GABRB3: variants seen among roughly 807,000 people sequenced by gnomAD.
GABRB3 encodes gamma-aminobutyric acid receptor subunit beta-3.
GABRB3 carries 14 observed loss-of-function variants against 52.1 expected under a neutral mutation model. The ratio of observed to expected loss-of-function variants is 0.27; its 90% CI spans 0.18 to 0.42. The LOEUF (loss-of-function observed/expected upper bound fraction) is 0.42, where lower values mean the gene tolerates loss of function less well. GABRB3 is among the 10% of genes least tolerant of loss of function. The pLI is 1.00. For synonymous variants in GABRB3, 260 were observed against 232.3 expected (o/e 1.12, Z -1.08); for missense variants, 307 against 609.1 (o/e 0.50, Z 5.22).
intron 3 of GABRB3, among the ~76,000 whole-genome samples, chr15:26,661,202 A>C (rs903487624): frequency 5.3e-5 from 8 of 152,188 alleles, no homozygotes; most frequent in African/African-American, 1.9e-4. Flanking sequence ...GTTCCTAATC[A>C]CCAGCTGAAT....
intron 3 of GABRB3, among the ~76,000 whole-genome samples, chr15:26,746,441 G>A (rs1245541663): frequency 1.3e-5 from 2 of 152,096 alleles, no homozygotes; most frequent in Admixed American, 1.3e-4. Flanking sequence ...TTAATTTGAT[G>A]AGGTTCAGTC....
At chr15:26,701,048 C>T (rs28594197) in intron 3 of GABRB3, among the ~76,000 whole-genome samples, 1 of 133,068 alleles carries the variant, frequency 7.5e-6, no homozygotes, top group Non-Finnish European at 1.6e-5. Flanking sequence ...GAGCGAGACT[C>T]GTCTCAAAAA....
chr15:26,670,869 TATGAG>T (rs1205100738), intron 3 of GABRB3, among the ~76,000 whole-genome samples: 21 of 152,222 alleles, frequency 1.4e-4, no homozygotes, highest in Admixed American at 1.2e-3. Flanking sequence ...ACAGCTACTC[TATGAG>T]ATATTTACTT....
intron 3 of GABRB3, among the ~76,000 whole-genome samples, chr15:26,769,491 G>T (rs1443545895): frequency 1.3e-5 from 2 of 152,018 alleles, no homozygotes; most frequent in Non-Finnish European, 2.9e-5. Context: ...ATTATCATGT[G>T]AAGCCCTTGG....
chr15:26,681,503 CT>C, intron 3 of GABRB3, among the ~76,000 whole-genome samples: 1 of 152,280 alleles, frequency 6.6e-6, no homozygotes, highest in East Asian at 1.9e-4. Context: ...CCCTTTGTCC[CT>C]CCTCCAACGG....
chr15:26,769,042 T>C (rs1416539705), intron 3 of GABRB3, among the ~76,000 whole-genome samples: 2 of 151,538 alleles, frequency 1.3e-5, no homozygotes, highest in Non-Finnish European at 2.9e-5. Context: ...TTTGGAGGCA[T>C]CATCTACACA....
At position 26,683,584 on chromosome 15, in the gene GABRB3, C is replaced by T. The variant is rs751699579; in HGVS notation, c.241-62050G>A. Among the ~76,000 whole-genome samples, 14 of 152,304 alleles carry T rather than the reference C, an allele frequency of 9.2e-5. No homozygotes were observed. The East Asian group carries it at 1.5e-3, about 17-fold the overall frequency. On this transcript the variant is annotated intron_variant, in intron 3 of 8. Transcript: ENST00000311550. ...TGATTGTCGTAGCAGAGAAGACATA[C>T]GTGAACCTGATCTATGTCAGATGTT...
upstream of GABRB3, chr15:26,773,217 C>G (rs1891209074): frequency 5.7e-6 from 1 of 176,088 alleles, no homozygotes; most frequent in South Asian, 1.8e-4. Flanking sequence ...GCGCCGCGCA[C>G]CCTGCCCTCC....
At chr15:26,705,717 C>T (rs141058595) in intron 3 of GABRB3, among the ~76,000 whole-genome samples, 2 of 152,094 alleles carry the variant, frequency 1.3e-5, no homozygotes, top group Non-Finnish European at 2.9e-5. Context: ...AGGGTGGACA[C>T]GAGAGAGGAA....
intron 3 of GABRB3, among the ~76,000 whole-genome samples, chr15:26,695,430 A>ATAGAG (rs71420021): frequency 0.53 from 79,748 of 151,356 alleles, 22,934 homozygotes; most frequent in East Asian, 0.8. Context: ...CCATGAAAAC[A>ATAGAG]TAGAGTAACA....
intron 3 of GABRB3, among the ~76,000 whole-genome samples, chr15:26,670,327 G>GGGCAC (rs1172695268): frequency 2.0e-5 from 3 of 152,184 alleles, no homozygotes; most frequent in Non-Finnish European, 2.9e-5. Context: ...CAGCAGGGCA[G>GGGCAC]GGCACGGCGC....
At position 26,568,297 on chromosome 15, in the gene GABRB3, A is replaced by T. The variant is rs1890255723; in HGVS notation, c.683-564T>A. The stretch of plus-strand genomic sequence containing the variant: ...CTGAGGGCTTCTGCTTCGGCCACAG[A>T]AGAGGCATTAACGAGAGTCTCAAAG... On this transcript the variant is annotated intron_variant, in intron 6 of 8. Coordinates refer to ENST00000311550, the MANE Select transcript of GABRB3 (RefSeq NM_000814.6). Among the ~76,000 whole-genome samples, 3 of 152,096 alleles carry T rather than the reference A, an allele frequency of 2.0e-5. No individual in the cohort carries two copies. The South Asian group carries it at 6.2e-4, about 32-fold the overall frequency.
At chr15:26,704,072 C>T (rs997930953) in intron 3 of GABRB3, among the ~76,000 whole-genome samples, 1 of 152,194 alleles carries the variant, frequency 6.6e-6, no homozygotes, top group South Asian at 2.1e-4. Flanking sequence ...TCCGCATGGG[C>T]CTTCTCTGAG....
At chr15:26,655,741 CAA>C (rs79202855) in intron 3 of GABRB3, among the ~76,000 whole-genome samples, 8 of 81,136 alleles carry the variant, frequency 9.9e-5, no homozygotes, top group South Asian at 4.3e-4. Flanking sequence ...GACTCTGTCT[CAA>C]AAAAAAAAAA....
At chr15:26,604,944 G>C (rs1891725910) in intron 4 of GABRB3, among the ~76,000 whole-genome samples, 1 of 152,058 alleles carries the variant, frequency 6.6e-6, no homozygotes, top group Non-Finnish European at 1.5e-5. Context: ...AAAAGCTTCT[G>C]CACAGCAAAG....
rs1889194713 is a variant in GABRB3, at chr15:26,545,350, A to C, written c.*2443T>G. On this transcript the variant is annotated 3_prime_UTR_variant, in exon 9 of 9. Transcript: ENST00000311550. The stretch of plus-strand genomic sequence containing the variant: ...AAAGCTATTATGACTATACCATGCA[A>C]ATTTATATCCAGAAAACCTTGGGAA... The C allele has an allele frequency of 6.6e-6, 1 of 152,584 alleles. No homozygotes were observed. Among genetic ancestry groups the C allele is most frequent in the Admixed American group, 6.5e-5 (1 of 15,282 alleles). 9.5% of individuals were successfully genotyped at this position (152,584 alleles called of 1,614,324 possible).
intron 3 of GABRB3, chr15:26,658,867 C>G (rs906842384): frequency 2.6e-5 from 4 of 152,180 alleles, no homozygotes; most frequent in African/African-American, 9.6e-5. Context: ...ACCCTCAAAA[C>G]CATTATTCAA....
intron 3 of GABRB3, among the ~76,000 whole-genome samples, chr15:26,696,843 G>A (rs934440835): frequency 1.3e-5 from 2 of 152,132 alleles, no homozygotes; most frequent in Non-Finnish European, 1.5e-5. Context: ...CAAAAAACTC[G>A]CATATGAAGC....
At chr15:26,560,107 G>A (rs1451547361) in intron 8 of GABRB3, among the ~76,000 whole-genome samples, 2 of 152,108 alleles carry the variant, frequency 1.3e-5, no homozygotes, top group African/African-American at 4.8e-5. Context: ...CCACCCCAGC[G>A]TTTCATTCTT....
Sources: allele counts gnomAD v4.1 joint callset (sites outside exome capture counted in the v4.1 genomes callset), GRCh38; gene constraint gnomAD v4.1.1; transcripts MANE v1.5; gene names NCBI Gene and HGNC (gene_info 2026-07-23, HGNC 2026-07-21).